PRKACB: variants seen among roughly 807,000 people sequenced by gnomAD.
The protein encoded by PRKACB is protein kinase cAMP-activated catalytic subunit beta.
PRKACB carries 16 observed loss-of-function variants against 51.4 expected under a neutral mutation model. The ratio of observed to expected loss-of-function variants is 0.31; its 90% CI spans 0.21 to 0.47. PRKACB has a LOEUF of 0.47. Ranked by LOEUF, PRKACB falls within the 20% of genes least tolerant of loss-of-function variation. The pLI is 1.00. For missense variants in PRKACB, 309 were observed against 464.5 expected (o/e 0.67, Z 3.08); for synonymous variants, 147 against 154.4 (o/e 0.95, Z 0.35).
intron 9 of PRKACB, among the ~76,000 whole-genome samples, chr1:84,229,491 C>G (rs1675227026): frequency 7.2e-6 from 1 of 137,978 alleles, no homozygotes; most frequent in Non-Finnish European, 1.5e-5. Flanking sequence ...GTTCTAGATC[C>G]CTGAGGAATC....
intron 1 of PRKACB, among the ~76,000 whole-genome samples, chr1:84,159,068 T>C (rs919102125): frequency 1.8e-4 from 28 of 152,250 alleles, no homozygotes; most frequent in African/African-American, 6.5e-4. Flanking sequence ...TCACATAGTG[T>C]AAGTCCTCCA....
chr1:84,113,664 C>T (rs1650407586), intron 1 of PRKACB, among the ~76,000 whole-genome samples: 1 of 151,896 alleles, frequency 6.6e-6, no homozygotes, highest in Non-Finnish European at 1.5e-5. Context: ...TACTATTCAA[C>T]AATAAAAAAG....
chr1:84,106,006 T>A (rs200337882), intron 1 of PRKACB, among the ~76,000 whole-genome samples: 3 of 128,190 alleles, frequency 2.3e-5, no homozygotes, highest in African/African-American at 8.3e-5. Context: ...GAAATAATAA[T>A]AACTATTTAC....
chr1:84,219,180 G>A (rs1041392549), intron 9 of PRKACB, among the ~76,000 whole-genome samples: 3 of 149,712 alleles, frequency 2.0e-5, no homozygotes, highest in Admixed American at 2.0e-4. Flanking sequence ...TTTGTTGCTT[G>A]TACTTTTCAG....
At chr1:84,124,872 T>C (rs1470160327) in intron 1 of PRKACB, among the ~76,000 whole-genome samples, 3 of 152,160 alleles carry the variant, frequency 2.0e-5, no homozygotes, top group Non-Finnish European at 4.4e-5. Context: ...CACGAAGGGC[T>C]CTAAGTGTTA....
chr1:84,226,941 A>T (rs1674711201), intron 9 of PRKACB, among the ~76,000 whole-genome samples: 1 of 152,036 alleles, frequency 6.6e-6, no homozygotes, highest in African/African-American at 2.4e-5. Flanking sequence ...AATACACTGT[A>T]TTTTATCTTT....
At chr1:84,084,828 G>A (rs994526644) in intron 1 of PRKACB, among the ~76,000 whole-genome samples, 11 of 152,142 alleles carry the variant, frequency 7.2e-5, no homozygotes, top group Non-Finnish European at 1.0e-4. Flanking sequence ...TACTGAACTC[G>A]GGATACCCGT....
intron 1 of PRKACB, among the ~76,000 whole-genome samples, chr1:84,079,442 C>T (rs1241588728): frequency 1.3e-5 from 2 of 151,976 alleles, no homozygotes; most frequent in Admixed American, 6.6e-5. Context: ...AAGAAAATAG[C>T]TTTTTTCTGT....
chr1:84,202,653 AC>A lies in PRKACB; in HGVS notation c.784-29del, dbSNP rs756483842. ...CATTCTCTTTTGAGTAACTTAAGTA[AC>A]AATTGACATTGGTGTTGGTTTATCT... On this transcript the variant is annotated intron_variant, in intron 7 of 9. Coordinates refer to ENST00000370685, the MANE Select transcript of PRKACB (RefSeq NM_182948.4). 98 of 1,563,974 alleles carry A rather than the reference AC, an allele frequency of 6.3e-5. No individual in the cohort carries two copies. The East Asian group carries it at 1.1e-3, about 18-fold the overall frequency.
At chr1:84,227,521 C>T (rs12134263) in intron 9 of PRKACB, among the ~76,000 whole-genome samples, 11,069 of 152,146 alleles carry the variant, frequency 0.073, 476 homozygotes, top group Middle Eastern at 0.13. Flanking sequence ...AAATAGCAGT[C>T]ATTTACTTAT....
chr1:84,078,842 G>A (rs375507421), intron 1 of PRKACB, among the ~76,000 whole-genome samples: 1 of 152,328 alleles, frequency 6.6e-6, no homozygotes, highest in South Asian at 2.1e-4. Context: ...CTCTACGCAA[G>A]TGAGGCTAAT....
chr1:84,176,384 A>G (rs577432214), intron 1 of PRKACB, among the ~76,000 whole-genome samples: 11 of 152,012 alleles, frequency 7.2e-5, no homozygotes, highest in Non-Finnish European at 1.0e-4. Flanking sequence ...ATATCTAAAC[A>G]TAATAAAATT....
chr1:84,085,932 C>A, intron 1 of PRKACB: 2 of 681,520 alleles, frequency 2.9e-6, no homozygotes, highest in East Asian at 2.5e-5. Context: ...CCATTAATAT[C>A]CAGGATGGAC....
Position 84,235,187 on chromosome 1 carries a change from C to T in PRKACB, c.1079C>T (p.Ala360Val), listed in dbSNP as rs55815917. 12 of 1,612,716 alleles carry T rather than the reference C, an allele frequency of 7.4e-6. No individual in the cohort carries two copies. Among genetic ancestry groups the T allele is most frequent in the Non-Finnish European group, 1.0e-5 (12 of 1,179,618 alleles). Residue 360 changes from alanine to valine, a missense_variant, in exon 10 of 10, where the codon GCT becomes GTT. Physicochemically the swap from Ala to Val is moderately conservative, Grantham distance 64 (BLOSUM62 0). Transcript: ENST00000370685. ...TCTCCCTCTCAATTATAGGTTGAAG[C>T]TCCATTCATACCAAAGTTTAGAGGC... ...WIAIYQRKVE[A>V]PFIPKFRGSG...
chr1:84,221,369 T>A lies in PRKACB; in HGVS notation c.1071+7052T>A, dbSNP rs544340951. ...GTTAGTCTAGCTAGCAGTTTATCAATTTTGGTTATTTTTTTAAAAAAAAAA... is the reference window on the plus strand; with the variant it reads ...GTTAGTCTAGCTAGCAGTTTATCAAATTTGGTTATTTTTTTAAAAAAAAAA... On this transcript the variant is annotated intron_variant, in intron 9 of 9. Transcript: ENST00000370685. Among the ~76,000 whole-genome samples the A allele has an allele frequency of 3.9e-4, 59 of 152,072 alleles. 1 individual carries two copies. Among genetic ancestry groups the A allele is most frequent in the African/African-American group, 1.4e-3 (59 of 41,532 alleles).
intron 1 of PRKACB, among the ~76,000 whole-genome samples, chr1:84,154,215 G>A (rs1655177965): frequency 6.6e-6 from 1 of 152,064 alleles, no homozygotes; most frequent in Non-Finnish European, 1.5e-5. Flanking sequence ...TTTAAATTGG[G>A]TATTTGTTTT....
At chr1:84,226,408 C>G (rs1021781685) in intron 9 of PRKACB, among the ~76,000 whole-genome samples, 5 of 151,724 alleles carry the variant, frequency 3.3e-5, no homozygotes, top group African/African-American at 1.2e-4. Context: ...AAATATCTTT[C>G]GTCATTCAGT....
In PRKACB at chr1:84,208,100, T is replaced by C. The variant is rs554005088; in HGVS notation, c.906+5295T>C. On this transcript the variant is annotated intron_variant, in intron 8 of 9. Transcript: ENST00000370685. ...CCAGGCTGGTTTTGAAATCCTGACCTCAAGTGATCCACCTGTCTTGGCGTC... is the reference window on the plus strand; with the variant it reads ...CCAGGCTGGTTTTGAAATCCTGACCCCAAGTGATCCACCTGTCTTGGCGTC... Among the ~76,000 whole-genome samples, 18 of 152,280 alleles carry C rather than the reference T, an allele frequency of 1.2e-4. No individual in the cohort carries two copies. In the South Asian group the frequency reaches 3.1e-3, roughly 26 times the overall value.
At chr1:84,208,092 T>C (rs1015463793) in intron 8 of PRKACB, among the ~76,000 whole-genome samples, 1 of 152,166 alleles carries the variant, frequency 6.6e-6, no homozygotes, top group Admixed American at 6.5e-5. Flanking sequence ...GGTTTTGAAA[T>C]CCTGACCTCA....
Sources: allele counts gnomAD v4.1 joint callset (sites outside exome capture counted in the v4.1 genomes callset), GRCh38; gene constraint gnomAD v4.1.1; transcripts MANE v1.5; gene names NCBI Gene and HGNC (gene_info 2026-07-23, HGNC 2026-07-21).